KLHL29: variants seen among roughly 807,000 people sequenced by gnomAD.
KLHL29 encodes the protein kelch like family member 29.
In KLHL29, 21 loss-of-function variants were observed where a neutral mutation model predicts 80.4. That is an observed-to-expected ratio of 0.26 (90% CI 0.19 to 0.38). The LOEUF is 0.38. Ranked by LOEUF, KLHL29 falls within the 10% of genes least tolerant of loss-of-function variation. The pLI, the probability that KLHL29 is intolerant of heterozygous loss-of-function variation, is 1.00. For synonymous variants in KLHL29, 511 were observed against 526.8 expected, an observed-to-expected ratio of 0.97 and a Z score of 0.41; for missense variants, 867 against 1,223.9, an observed-to-expected ratio of 0.71 and a Z score of 4.35.
At chr2:23,467,735 C>T (rs151093049) in intron 1 of KLHL29, among the ~76,000 whole-genome samples, 121 of 152,280 alleles carry the variant, frequency 7.9e-4, no homozygotes, top group African/African-American at 2.8e-3. Context: ...GTTTACCAAT[C>T]GCTGGCTGCA....
intron 5 of KLHL29, among the ~76,000 whole-genome samples, chr2:23,655,175 A>G (rs1249877338): frequency 6.6e-6 from 1 of 152,204 alleles, no homozygotes; most frequent in African/African-American, 2.4e-5. Context: ...CAGACAGAGC[A>G]CTGGCCACCA....
intron 3 of KLHL29, among the ~76,000 whole-genome samples, chr2:23,571,274 G>A (rs1667710613): frequency 1.3e-5 from 2 of 152,262 alleles, no homozygotes; most frequent in Admixed American, 1.3e-4. Flanking sequence ...AGGAATGGGG[G>A]CGTGGGCTGA....
At chr2:23,445,275 GT>G (rs907639399) in intron 1 of KLHL29, among the ~76,000 whole-genome samples, 13 of 151,968 alleles carry the variant, frequency 8.6e-5, no homozygotes, top group Admixed American at 2.0e-4. Context: ...CATTTTGCTA[GT>G]TTTTTTTCTT....
At chr2:23,552,748 T>C (rs2103490414) in intron 2 of KLHL29, among the ~76,000 whole-genome samples, 1 of 143,564 alleles carries the variant, frequency 7.0e-6, no homozygotes, top group South Asian at 2.3e-4. Flanking sequence ...CGGCTATAGC[T>C]CTGGTTTCTT....
At chr2:23,605,393 C>T (rs1668682632) in intron 3 of KLHL29, among the ~76,000 whole-genome samples, 1 of 152,048 alleles carries the variant, frequency 6.6e-6, no homozygotes, top group Admixed American at 6.6e-5. Context: ...CCACCACACC[C>T]CGCCTACCTG....
In KLHL29 at chr2:23,507,180, G is replaced by A. The variant is rs534208029; in HGVS notation, c.-46+31513G>A. ...GCTCACTCCCGTGCATGCCATCATA[G>A]CCTTCCTGGTGCAGGGACCCACACA... On this transcript the variant is annotated intron_variant, in intron 2 of 13. Transcript: ENST00000486442. 3.7e-5 allele frequency: 14 copies of A among 377,184 alleles called. No individual in the cohort carries two copies. The East Asian group carries it at 8.0e-4, about 21-fold the overall frequency. 23.4% of individuals were successfully genotyped at this position (377,184 alleles called of 1,614,324 possible).
At chr2:23,391,523 G>A (rs187245031) in intron 1 of KLHL29, among the ~76,000 whole-genome samples, 1 of 152,186 alleles carries the variant, frequency 6.6e-6, no homozygotes, top group East Asian at 1.9e-4. Flanking sequence ...TGCCTCCCGC[G>A]TTCAAGGGTT....
At chr2:23,481,473 C>T (rs1038252397) in intron 2 of KLHL29, among the ~76,000 whole-genome samples, 2 of 152,226 alleles carry the variant, frequency 1.3e-5, no homozygotes, top group African/African-American at 2.4e-5. Context: ...GATCTGGGCA[C>T]AGCTCCCACC....
rs187913706 is a variant in KLHL29, at chr2:23,516,095, G to T, written c.-46+40428G>T. Reference sequence around the variant, plus strand: ...CCCTCTCCCTCCTAGAGCTTAGAAGGGTTCTCTGAGGCTCCAGGACTTGAG... The same window carrying T: ...CCCTCTCCCTCCTAGAGCTTAGAAGTGTTCTCTGAGGCTCCAGGACTTGAG... On this transcript the variant is annotated intron_variant, in intron 2 of 13. Coordinates refer to ENST00000486442, the MANE Select transcript of KLHL29 (RefSeq NM_052920.2). Among the ~76,000 whole-genome samples the T allele has an allele frequency of 5.9e-5, 9 of 152,308 alleles. No individual in the cohort carries two copies. In the East Asian group the frequency reaches 1.3e-3, roughly 23 times the overall value.
intron 3 of KLHL29, among the ~76,000 whole-genome samples, chr2:23,611,900 T>C (rs957717031): frequency 7.0e-5 from 10 of 142,370 alleles, no homozygotes; most frequent in Admixed American, 6.9e-5. Context: ...AAAAAAAGGA[T>C]TATGAACTGA....
intron 3 of KLHL29, 47 bp from the exon 4 acceptor site, chr2:23,639,092 C>G (rs1669694723): frequency 6.8e-7 from 1 of 1,476,684 alleles, no homozygotes; most frequent in Non-Finnish European, 9.0e-7. Flanking sequence ...GTTCTGGAGG[C>G]TGGTCTCTGG....
chr2:23,506,666 G>A (rs574507872), intron 2 of KLHL29, among the ~76,000 whole-genome samples: 1 of 152,282 alleles, frequency 6.6e-6, no homozygotes, highest in Admixed American at 6.5e-5. Flanking sequence ...GGAGCAGCAG[G>A]GAACTCATTA....
Position 23,562,185 on chromosome 2 carries a change from C to T in KLHL29, c.-12C>T, listed in dbSNP as rs1166741463. The T allele has an allele frequency of 2.1e-5, 32 of 1,541,946 alleles. No individual in the cohort carries two copies. Among genetic ancestry groups the T allele is most frequent in the Non-Finnish European group, 2.5e-5 (29 of 1,144,208 alleles). ...TCTGTTTCCCTGTGAGAAGCCGCCT[C>T]GGCCCACCGAGATGTCCCGGCACCA... On this transcript the variant is annotated 5_prime_UTR_variant, in exon 3 of 14. Coordinates refer to ENST00000486442, the MANE Select transcript of KLHL29 (RefSeq NM_052920.2). The surrounding 1 kb of genome is among the most constrained non-coding windows in gnomAD (Gnocchi z 4.5).
At chr2:23,629,115 C>T (rs1034736160) in intron 3 of KLHL29, among the ~76,000 whole-genome samples, 32 of 152,334 alleles carry the variant, frequency 2.1e-4, no homozygotes, top group Middle Eastern at 3.4e-3. Flanking sequence ...CTACAAGGAA[C>T]GCGGCTGTTG....
At chr2:23,476,891 C>A (rs1382317006) in intron 2 of KLHL29, among the ~76,000 whole-genome samples, 1 of 152,256 alleles carries the variant, frequency 6.6e-6, no homozygotes, top group Non-Finnish European at 1.5e-5. Context: ...TTAGCCCCCA[C>A]CAGGCAGGCC....
chr2:23,549,030 G>A (rs925395097), intron 2 of KLHL29, among the ~76,000 whole-genome samples: 3 of 152,208 alleles, frequency 2.0e-5, no homozygotes, highest in Admixed American at 2.0e-4. Flanking sequence ...AGGTGGGTAG[G>A]GGGATGTCTT....
intron 1 of KLHL29, among the ~76,000 whole-genome samples, chr2:23,408,879 C>T (rs527438344): frequency 2.2e-4 from 33 of 152,232 alleles, no homozygotes; most frequent in Admixed American, 5.9e-4. Context: ...ATACGGTGTT[C>T]GTGTGCAATA....
At chr2:23,479,724 C>T (rs1664735555) in intron 2 of KLHL29, among the ~76,000 whole-genome samples, 1 of 152,146 alleles carries the variant, frequency 6.6e-6, no homozygotes, top group South Asian at 2.1e-4. Context: ...CCAAGGAAGC[C>T]TTGTACTCGT....
rs1671037665 is a variant in KLHL29 at position 23,680,265 on chromosome 2, G to C, written c.941-4134G>C. Among the ~76,000 whole-genome samples the C allele has an allele frequency of 1.3e-5, 2 of 152,210 alleles. No homozygotes were observed. Among genetic ancestry groups the C allele is most frequent in the South Asian group, 4.2e-4 (2 of 4,814 alleles). On this transcript the variant is annotated intron_variant, in intron 5 of 13. Coordinates refer to ENST00000486442, the MANE Select transcript of KLHL29 (RefSeq NM_052920.2). This position sits in a 1 kb window ranked among gnomAD's most constrained non-coding sequence, Gnocchi z 4.1. Reference sequence around the variant, plus strand: ...CTTGGTGTGATGAGGGAGGGGAGGAGTCTGGGGAAGGCCTGCGGATTGCGG... The same window carrying C: ...CTTGGTGTGATGAGGGAGGGGAGGACTCTGGGGAAGGCCTGCGGATTGCGG...
Sources: allele counts gnomAD v4.1 joint callset (sites outside exome capture counted in the v4.1 genomes callset), GRCh38; gene constraint gnomAD v4.1.1; non-coding constraint Gnocchi (gnomAD v3.1); transcripts MANE v1.5; gene names NCBI Gene and HGNC (gene_info 2026-07-23, HGNC 2026-07-21).